Variants in VEZT observed in about 807,000 individuals in gnomAD.
VEZT encodes vezatin.
VEZT carries 39 observed loss-of-function variants against 79.9 expected under a neutral mutation model. The ratio of observed to expected loss-of-function variants is 0.49; its 90% CI spans 0.38 to 0.64. VEZT has a LOEUF of 0.64. Among genes scored for constraint, VEZT ranks in the 30% least tolerant of loss-of-function variants. The pLI is 0.00. For missense variants in VEZT, 837 were observed against 893.1 expected, an observed-to-expected ratio of 0.94 and a Z score of 0.80; for synonymous variants, 325 against 327.6, an observed-to-expected ratio of 0.99 and a Z score of 0.09.
At chr12:95,281,329 T>C (rs1325469568) in intron 7 of VEZT, among the ~76,000 whole-genome samples, 3 of 152,096 alleles carry the variant, frequency 2.0e-5, no homozygotes, top group Non-Finnish European at 4.4e-5. Context: ...AACTTAAATA[T>C]TAGCTGAGTA....
At chr12:95,295,679 A>G (rs2073984331) in intron 10 of VEZT, among the ~76,000 whole-genome samples, 2 of 152,320 alleles carry the variant, frequency 1.3e-5, no homozygotes, top group South Asian at 2.1e-4. Context: ...TGAAAGAACC[A>G]CAAGAAAACA....
intron 1 of VEZT, among the ~76,000 whole-genome samples, chr12:95,236,741 C>T (rs2060252114): frequency 6.6e-6 from 1 of 151,952 alleles, no homozygotes; most frequent in Non-Finnish European, 1.5e-5. Context: ...CTCCTGCCAC[C>T]ACGCCCGGCT....
chr12:95,217,941 G>A (rs1284003816), intron 1 of VEZT, 55 bp downstream of exon 1: 2 of 1,438,206 alleles, frequency 1.4e-6, no homozygotes, highest in African/African-American at 1.5e-5. Flanking sequence ...AGGACGAGAC[G>A]GAAATCGAGG....
Position 95,274,849 on chromosome 12 carries a change from C to G in VEZT, c.956C>G (p.Ala319Gly), listed in dbSNP as rs2067315693. The part of the protein sequence containing the change: ...LSEEQISEEE[A>G]HNFTDGFSLP... Reference sequence around the variant, plus strand: ...GAAGAGCAGATTTCAGAAGAGGAAGCACATAACTTTACAGATGGCTTCAGC... The same window carrying G: ...GAAGAGCAGATTTCAGAAGAGGAAGGACATAACTTTACAGATGGCTTCAGC... Residue 319 changes from alanine to glycine, a missense_variant, in exon 7 of 12, where the codon GCA becomes GGA. Ala to Gly is a moderately conservative substitution (Grantham distance 60, BLOSUM62 0). Coordinates refer to ENST00000436874, the MANE Select transcript of VEZT (RefSeq NM_017599.4). 1 of 1,613,664 alleles carries G rather than the reference C, an allele frequency of 6.2e-7. No individual in the cohort carries two copies. The highest frequency in any genetic ancestry group is 1.7e-5 in the Admixed American group (1 of 59,982).
intron 9 of VEZT, chr12:95,290,921 C>A (rs1456027341): frequency 3.3e-5 from 5 of 151,868 alleles, no homozygotes; most frequent in Non-Finnish European, 7.4e-5. Context: ...TGGCATTACT[C>A]GAGGATTACC....
intron 5 of VEZT, among the ~76,000 whole-genome samples, chr12:95,267,386 T>C (rs2065734855): frequency 6.6e-6 from 1 of 152,190 alleles, no homozygotes; most frequent in African/African-American, 2.4e-5. Context: ...CAGATGACAG[T>C]TGTGTGCTAG....
intron 1 of VEZT, among the ~76,000 whole-genome samples, chr12:95,235,842 G>A (rs1391122889): frequency 6.6e-5 from 10 of 151,688 alleles, no homozygotes; most frequent in Admixed American, 3.3e-4. Context: ...GGGCAGAGAC[G>A]CTCCTCACAT....
At chr12:95,282,274 A>AC (rs1566254125) in intron 7 of VEZT, 39 bp from the exon 8 acceptor site, 4 of 1,467,248 alleles carry the variant, frequency 2.7e-6, no homozygotes, top group Non-Finnish European at 2.7e-6. Flanking sequence ...ACTGACCAAT[A>AC]TTTTTATTGA....
chr12:95,240,343 A>G (rs1431611721), intron 1 of VEZT, among the ~76,000 whole-genome samples: 3 of 152,170 alleles, frequency 2.0e-5, no homozygotes, highest in African/African-American at 7.2e-5. Flanking sequence ...ACACCCCAAC[A>G]TAATTTTTTA....
intron 1 of VEZT, among the ~76,000 whole-genome samples, chr12:95,228,513 AT>A (rs528111242): frequency 4.6e-5 from 7 of 152,036 alleles, no homozygotes; most frequent in Middle Eastern, 3.4e-3. Flanking sequence ...ATATCATTTA[AT>A]TTTTTTTAAT....
chr12:95,288,008 A>G lies in VEZT; in HGVS notation c.1522+151A>G, dbSNP rs191534074. 4.7e-4 allele frequency: 259 copies of G among 547,962 alleles called. 1 individual carries two copies. The East Asian group carries it at 8.4e-3, about 18-fold the overall frequency. 33.9% of individuals were successfully genotyped at this position (547,962 alleles called of 1,614,324 possible). A position where few individuals can be genotyped will look rare whatever the true frequency, so the allele number is the denominator to read the frequency against. ...TTTTTAATGTTGAATTTATATGTAC[A>G]AAGTGACACTGAATACAATTCTTGG... On this transcript the variant is annotated intron_variant, in intron 9 of 11. Transcript: ENST00000436874.
intron 1 of VEZT, among the ~76,000 whole-genome samples, chr12:95,245,103 G>A (rs771344319): frequency 1.3e-5 from 2 of 152,004 alleles, no homozygotes; most frequent in Admixed American, 6.6e-5. Context: ...GTGTAGTAGC[G>A]CATGCCTGTA....
At chr12:95,245,058 C>A (rs1040687409) in intron 1 of VEZT, among the ~76,000 whole-genome samples, 1 of 151,926 alleles carries the variant, frequency 6.6e-6, no homozygotes, top group African/African-American at 2.4e-5. Flanking sequence ...CATGGTGAAA[C>A]CCCATATCTA....
At chr12:95,236,134 TTGAGCACTGAG>T (rs1453018963) in intron 1 of VEZT, among the ~76,000 whole-genome samples, 2 of 152,084 alleles carry the variant, frequency 1.3e-5, no homozygotes, top group Non-Finnish European at 2.9e-5. Flanking sequence ...CTGGGCACCA[TTGAGCACTGAG>T]TGAACGAGAC....
chr12:95,274,326 T>G (rs192044829), intron 6 of VEZT, among the ~76,000 whole-genome samples: 1 of 151,706 alleles, frequency 6.6e-6, no homozygotes, highest in Non-Finnish European at 1.5e-5. Flanking sequence ...ATCAGCTGGG[T>G]GTGGTGGCGC....
chr12:95,286,226 A>G, intron 8 of VEZT: 2 of 277,568 alleles, frequency 7.2e-6, no homozygotes, highest in Non-Finnish European at 1.4e-5. Context: ...TCCTGACCTC[A>G]GGTGATCCAC....
chr12:95,235,420 C>G (rs2059936735), intron 1 of VEZT, among the ~76,000 whole-genome samples: 1 of 131,918 alleles, frequency 7.6e-6, no homozygotes, highest in Admixed American at 7.3e-5. Flanking sequence ...GGAGGCTGAC[C>G]TCCCCACCTC....
At chr12:95,276,917 TC>T (rs2067905854) in intron 7 of VEZT, among the ~76,000 whole-genome samples, 1 of 152,186 alleles carries the variant, frequency 6.6e-6, no homozygotes, top group African/African-American at 2.4e-5. Flanking sequence ...TTCTTGTCCC[TC>T]TTTTTGCCCA....
chr12:95,266,383 T>C lies in VEZT; in HGVS notation c.461T>C (p.Ile154Thr). Residue 154 changes from isoleucine to threonine, a missense_variant, in exon 5 of 12, where the codon ATT becomes ACT. Ile to Thr is a moderately conservative substitution (Grantham distance 89, BLOSUM62 -1). Transcript: ENST00000436874. ...GATCTCTCAATGCTATTTGCCTTCA[T>C]TAGCTTGCTCGTTATGCTTCCCACT... ...IWDLSMLFAF[I>T]SLLVMLPTWW... 1 of 1,613,836 alleles carries C rather than the reference T, an allele frequency of 6.2e-7. No homozygotes were observed. Among genetic ancestry groups the C allele is most frequent in the Non-Finnish European group, 8.5e-7 (1 of 1,179,784 alleles).
Sources: gnomAD v4.1 joint callset for allele counts (sites outside exome capture counted in the v4.1 genomes callset) on GRCh38, gnomAD v4.1.1 for gene constraint, MANE v1.5 for transcripts, NCBI Gene and HGNC (gene_info 2026-07-23, HGNC 2026-07-21) for gene names.